CCDC14: variants seen among roughly 807,000 people sequenced by gnomAD.
CCDC14 encodes coiled-coil domain containing 14.
CCDC14 carries 71 observed loss-of-function variants against 81.4 expected under a neutral mutation model. The ratio of observed to expected loss-of-function variants is 0.87; its 90% CI spans 0.72 to 1.06. The LOEUF (loss-of-function observed/expected upper bound fraction) is 1.06. CCDC14 is among the 50% of genes least tolerant of loss of function. The pLI is 0.00. For synonymous variants in CCDC14, 332 were observed against 364.8 expected, an observed-to-expected ratio of 0.91 and a Z score of 1.03; for missense variants, 1,046 against 1,047.3, an observed-to-expected ratio of 1.00 and a Z score of 0.02.
intron 5 of CCDC14, among the ~76,000 whole-genome samples, chr3:123,907,560 T>A (rs1486204955): frequency 1.3e-5 from 2 of 148,618 alleles, no homozygotes; most frequent in Non-Finnish European, 3.0e-5. Flanking sequence ...AAAAAAAAAA[T>A]CAAAAAAATT....
intron 12 of CCDC14, among the ~76,000 whole-genome samples, chr3:123,921,144 C>T (rs1481806839): frequency 6.6e-6 from 1 of 152,106 alleles, no homozygotes; most frequent in African/African-American, 2.4e-5. Context: ...AAAGGATCTA[C>T]AAAACAATTA....
intron 5 of CCDC14, among the ~76,000 whole-genome samples, chr3:123,900,492 T>G (rs1425817118): frequency 1.3e-5 from 2 of 152,168 alleles, no homozygotes; most frequent in African/African-American, 4.8e-5. Flanking sequence ...CTTAGAAAGG[T>G]GTATATCCAC....
chr3:123,947,403 ATATT>A (rs1257387583), intron 7 of CCDC14, 84 bp from the exon 8 acceptor site: 22 of 887,690 alleles, frequency 2.5e-5, no homozygotes, highest in Non-Finnish European at 3.0e-5. Context: ...TATATGAAAT[ATATT>A]TATTAAAACA....
chr3:123,911,283 G>A (rs961696520), downstream of CCDC14, among the ~76,000 whole-genome samples: 1 of 152,106 alleles, frequency 6.6e-6, no homozygotes. Flanking sequence ...AATAGTGCCC[G>A]GTTCTCTACA....
At position 123,939,488 on chromosome 3, in the gene CCDC14, C is replaced by T. The variant is rs185999625; in HGVS notation, c.1343+5361G>A. Among the ~76,000 whole-genome samples the T allele has an allele frequency of 2.5e-3, 374 of 148,472 alleles. 2 individuals carry two copies. Among genetic ancestry groups the T allele is most frequent in the African/African-American group, 9.0e-3 (363 of 40,368 alleles). ...TAGAGATAGGGTCTTGCTCTGTTTC[C>T]CAGGCTAGAATAAAGTGGTACAACC... is the stretch of plus-strand genomic sequence containing the variant. On this transcript the variant is annotated intron_variant, in intron 9 of 12. Transcript: ENST00000409697.
rs1301513621 is a variant in CCDC14, at chr3:123,947,393, T to C, written c.685-74A>G. 6 of 941,374 alleles carry C rather than the reference T, an allele frequency of 6.4e-6. No homozygotes were observed. In the African/African-American group the frequency reaches 9.8e-5, roughly 15 times the overall value. The allele number at this position is 941,374 out of a possible 1,614,324, so 58.3% of individuals were successfully genotyped here. On this transcript the variant is annotated intron_variant, in intron 7 of 12. Transcript: ENST00000409697. ...AGGTATTAATTACAACAAACTCAAATATATGAAATATATTTATTAAAACAT... is the reference window on the plus strand; with the variant it reads ...AGGTATTAATTACAACAAACTCAAACATATGAAATATATTTATTAAAACAT...
Position 123,905,082 on chromosome 3 carries a change from T to A in CCDC14, c.668-7469A>T, listed in dbSNP as rs188602974. On this transcript the variant is annotated intron_variant, in intron 5 of 5. Coordinates refer to the CCDC14 transcript ENST00000479903. ...AGTGACACAGAGGTAACATTACACA[T>A]TAGTGGGGAGCACAAGATGGCAAAT... 6.0e-4 allele frequency among the ~76,000 whole-genome samples: 92 copies of A among 152,074 alleles called. 2 individuals are homozygous for A. The South Asian group carries it at 0.011, about 18-fold the overall frequency.
At position 123,948,943 on chromosome 3, in the gene CCDC14, A is replaced by T. The variant is rs1248100878; in HGVS notation, c.542T>A (p.Ile181Asn). The T allele has an allele frequency of 3.7e-6, 6 of 1,613,978 alleles. No homozygotes were observed. The African/African-American group carries it at 8.0e-5, about 22-fold the overall frequency. The part of the protein sequence containing the change: ...SLMNDLTSKN[I>N]PNGIPAVPCH... ...TGGTACAGCAGGAATTCCATTAGGG[A>T]TGTTCTTTGAAGTCAAGTCATTCAT... Residue 181 changes from isoleucine (I) to asparagine (N), a missense_variant, in exon 6 of 13, where the codon ATC becomes AAC. By Grantham distance (149) the Ile-to-Asn change is moderately radical. Coordinates refer to ENST00000409697, the MANE Select transcript of CCDC14 (RefSeq NM_001366335.1).
At chr3:123,917,879 C>T (rs1455955031) in intron 12 of CCDC14, among the ~76,000 whole-genome samples, 2 of 148,268 alleles carry the variant, frequency 1.3e-5, no homozygotes, top group African/African-American at 5.2e-5. Context: ...AGAGGTTGTA[C>T]CCAAAGATAT....
chr3:123,928,459 T>C (rs975551658), intron 12 of CCDC14, among the ~76,000 whole-genome samples: 9 of 151,350 alleles, frequency 5.9e-5, no homozygotes, highest in African/African-American at 2.2e-4. Context: ...TGAGCCAAGA[T>C]AGCGCCACTG....
chr3:123,885,215 T>C, the CCDC14 span, among the ~76,000 whole-genome samples: 7 of 151,988 alleles, frequency 4.6e-5, no homozygotes, highest in Admixed American at 3.3e-4. Flanking sequence ...AAAACATAAA[T>C]ACAGAAAACC....
chr3:123,926,593 AAATT>A (rs1441499153), intron 12 of CCDC14, among the ~76,000 whole-genome samples: 2 of 148,020 alleles, frequency 1.4e-5, no homozygotes, highest in East Asian at 1.9e-4. Context: ...AATATTATTT[AAATT>A]AATATTTAAA....
chr3:123,898,512 T>G lies in CCDC14; in HGVS notation c.668-899A>C, dbSNP rs868752980. Among the ~76,000 whole-genome samples the G allele has an allele frequency of 2.6e-5, 4 of 152,264 alleles. No individual in the cohort carries two copies. The Middle Eastern group carries it at 0.01, about 388-fold the overall frequency. On this transcript the variant is annotated intron_variant, in intron 5 of 5. Transcript: ENST00000479903. ...TGGAGAGACTGTGAGCTGTGACCCA[T>G]GGTCCCAGCCAAGGCAGACATGATG...
chr3:123,961,095 CT>C lies in CCDC14; in HGVS notation c.30+48del, dbSNP rs527362557. On this transcript the variant is annotated intron_variant, in intron 1 of 12. Transcript: ENST00000409697. ...ACAAGTTCCTGGCCCGAAAACCCCC[CT>C]GTCCCTCTCCATCCCCACAGCGGAC... 9 of 1,482,460 alleles carry C rather than the reference CT, an allele frequency of 6.1e-6. No homozygotes were observed. The Admixed American group carries it at 6.5e-5, about 11-fold the overall frequency. 91.8% of individuals were successfully genotyped at this position (1,482,460 alleles called of 1,614,324 possible). A position where few individuals can be genotyped will look rare whatever the true frequency, so the allele number is the denominator to read the frequency against.
downstream of CCDC14, among the ~76,000 whole-genome samples, chr3:123,896,096 T>G (rs985929510): frequency 1.3e-5 from 2 of 152,202 alleles, no homozygotes; most frequent in Non-Finnish European, 2.9e-5. Flanking sequence ...AAACTCATGT[T>G]GAAATTTAAC....
intron 5 of CCDC14, among the ~76,000 whole-genome samples, chr3:123,901,413 C>T (rs1365632045): frequency 1.3e-5 from 2 of 151,390 alleles, no homozygotes; most frequent in East Asian, 1.9e-4. Context: ...AAATGTATTA[C>T]AGAGTGGTAG....
intron 1 of CCDC14, chr3:123,958,681 TA>T (rs2148970288): frequency 6.6e-6 from 1 of 152,180 alleles, no homozygotes; most frequent in South Asian, 2.1e-4. Flanking sequence ...ATAACCACAG[TA>T]TAATTATCAA....
chr3:123,891,768 G>A, the CCDC14 span, among the ~76,000 whole-genome samples: 2 of 152,186 alleles, frequency 1.3e-5, no homozygotes, highest in Non-Finnish European at 1.5e-5. Context: ...CTGTTACCCA[G>A]TTCCAAAGTT....
At chr3:123,887,207 ATTTTACAG>A in the CCDC14 span, among the ~76,000 whole-genome samples, 2 of 152,118 alleles carry the variant, frequency 1.3e-5, no homozygotes, top group Admixed American at 6.5e-5. Flanking sequence ...TTTAGTCTTA[ATTTTACAG>A]TTCTACAATT....
Sources: allele counts gnomAD v4.1 joint callset (sites outside exome capture counted in the v4.1 genomes callset), GRCh38; gene constraint gnomAD v4.1.1; transcripts MANE v1.5; gene names NCBI Gene and HGNC (gene_info 2026-07-23, HGNC 2026-07-21).